Variants in PAX8 observed in about 807,000 individuals in gnomAD.
The protein encoded by PAX8 is paired box protein Pax-8.
A neutral mutation model predicts 52.4 loss-of-function variants in PAX8; 15 were observed. That is an observed-to-expected ratio of 0.29 (90% CI 0.19 to 0.44). The LOEUF (loss-of-function observed/expected upper bound fraction) is 0.44, where lower values mean the gene tolerates loss of function less well. Among genes scored for constraint, PAX8 ranks in the 20% least tolerant of loss-of-function variants. The pLI is 1.00. For missense variants in PAX8, 554 were observed against 602.5 expected, an observed-to-expected ratio of 0.92 and a Z score of 0.84; for synonymous variants, 284 against 249.7, an observed-to-expected ratio of 1.14 and a Z score of -1.29.
chr2:113,218,628 AAT>A lies in PAX8; in HGVS notation c.1277-21_1277-20del. ...GGGGAACCTGGACACATTAAAAAAAAATAACAACAACACTGCTGGTCAGAAAG... is the reference window on the plus strand; with the variant it reads ...GGGGAACCTGGACACATTAAAAAAAAAACAACAACACTGCTGGTCAGAAAG... On this transcript the variant is annotated intron_variant, in intron 11 of 11. Transcript: ENST00000429538. 1 of 1,511,804 alleles carries A rather than the reference AAT, an allele frequency of 6.6e-7. No homozygotes were observed. Among genetic ancestry groups the A allele is most frequent in the East Asian group, 2.5e-5 (1 of 40,732 alleles). 93.6% of individuals were successfully genotyped at this position (1,511,804 alleles called of 1,614,324 possible).
chr2:113,240,418 T>TA (rs1690719163), intron 7 of PAX8: 1 of 152,246 alleles, frequency 6.6e-6, no homozygotes, highest in African/African-American at 2.4e-5. Context: ...ACTCGGTTCT[T>TA]AAAGGCATAT....
At chr2:113,240,098 C>G (rs927785659) in intron 7 of PAX8, 10 of 152,290 alleles carry the variant, frequency 6.6e-5, no homozygotes, top group Admixed American at 5.9e-4. Flanking sequence ...TCTTTACTTT[C>G]ACTGAGTGGC....
chr2:113,247,684 T>C (rs956459802), intron 2 of PAX8, among the ~76,000 whole-genome samples: 1 of 152,230 alleles, frequency 6.6e-6, no homozygotes, highest in Non-Finnish European at 1.5e-5. Flanking sequence ...TGACTTGGCC[T>C]CTGCTCTCTG....
rs1867763 is a variant in PAX8, at chr2:113,278,346, A to G, written c.25+24T>C. ...CGCTCAGCGGCGCGGGGGCTCGGGG[A>G]TCCTGACCACACCGCGTTCTTACCA... On this transcript the variant is annotated intron_variant, in intron 2 of 11. Coordinates refer to ENST00000429538, the MANE Select transcript of PAX8 (RefSeq NM_003466.4). The G allele has an allele frequency of 0.33, 513,399 of 1,555,878 alleles. 87,689 individuals carry two copies. The highest frequency in any genetic ancestry group is 0.51 in the African/African-American group (37,631 of 73,812).
rs1689070159 is a variant in PAX8 at position 113,217,549 on chromosome 2, T to TG, written c.*983dup. The TG allele has an allele frequency of 6.1e-5, 14 of 230,148 alleles. No homozygotes were observed. In the South Asian group the frequency reaches 2.2e-3, roughly 36 times the overall value. 14.3% of individuals were successfully genotyped at this position (230,148 alleles called of 1,614,324 possible). A position where few individuals can be genotyped will look rare whatever the true frequency, so the allele number is the denominator to read the frequency against. On this transcript the variant is annotated 3_prime_UTR_variant, in exon 12 of 12. Coordinates refer to ENST00000429538, the MANE Select transcript of PAX8 (RefSeq NM_003466.4). ...ATTTACAGTATATACAGTCAGGCCTTGGGGGCAGGAGCTGCTGGGGAGCAG... is the reference window on the plus strand; with the variant it reads ...ATTTACAGTATATACAGTCAGGCCTTGGGGGGCAGGAGCTGCTGGGGAGCAG...
intron 5 of PAX8, among the ~76,000 whole-genome samples, 200 bp downstream of exon 5, chr2:113,242,490 A>G (rs1400269943): frequency 6.6e-6 from 1 of 152,112 alleles, no homozygotes; most frequent in Non-Finnish European, 1.5e-5. Context: ...GCACCTCTCC[A>G]TAGTTCAGTG....
At position 113,231,900 on chromosome 2, in the gene PAX8, G is replaced by C. The variant is rs573535490; in HGVS notation, c.1087+3494C>G. ...TGTGCCACCACGCCTGGCTAATTTT[G>C]TATTTTTAGTAGAGATGGGGTTTCT... On this transcript the variant is annotated intron_variant, in intron 9 of 11. Transcript: ENST00000429538. 5.9e-5 allele frequency among the ~76,000 whole-genome samples: 9 copies of C among 152,136 alleles called. No homozygotes were observed. In the East Asian group the frequency reaches 1.7e-3, roughly 29 times the overall value.
At chr2:113,244,271 T>G (rs943203553) in intron 4 of PAX8, among the ~76,000 whole-genome samples, 156 bp downstream of exon 4, 2 of 152,132 alleles carry the variant, frequency 1.3e-5, no homozygotes, top group Admixed American at 6.5e-5. Flanking sequence ...AGGTATGATA[T>G]CTGCCTGGAG....
At chr2:113,235,271 G>C in intron 9 of PAX8, 123 bp downstream of exon 9, 1 of 797,292 alleles carries the variant, frequency 1.3e-6, no homozygotes, top group Non-Finnish European at 1.9e-6. Context: ...GTTGCCGGAG[G>C]AATTAGGGAA....
At chr2:113,255,036 AAGGAAGGAAGGGAAGG>A (rs1328508885) in intron 2 of PAX8, among the ~76,000 whole-genome samples, 1 of 148,106 alleles carries the variant, frequency 6.8e-6, no homozygotes, top group Non-Finnish European at 1.5e-5. Context: ...GGGAAGAAGG[AAGGAAGGAAGGGAAGG>A]AGGAAGGAAG....
At chr2:113,270,583 G>C (rs112750093) in intron 2 of PAX8, 4,364 of 152,268 alleles carry the variant, frequency 0.029, 83 homozygotes, top group Middle Eastern at 0.054. Flanking sequence ...AAGTTCTACT[G>C]TCCTCCTGGA....
chr2:113,250,085 G>A (rs1691646496), intron 2 of PAX8, among the ~76,000 whole-genome samples: 1 of 151,958 alleles, frequency 6.6e-6, no homozygotes, highest in Non-Finnish European at 1.5e-5. Flanking sequence ...GGCTAACATG[G>A]TGAAACCCCG....
Position 113,250,005 on chromosome 2 carries a change from C to A in PAX8, c.26-3086G>T, listed in dbSNP as rs189603303. The stretch of plus-strand genomic sequence containing the variant: ...TAGGGGGGCTGGGTGTGGTGGCTCA[C>A]GCCTGTAATCCCAGCACTTTGGGAG... On this transcript the variant is annotated intron_variant, in intron 2 of 11. Coordinates refer to ENST00000429538, the MANE Select transcript of PAX8 (RefSeq NM_003466.4). Among the ~76,000 whole-genome samples, 3 of 151,962 alleles carry A rather than the reference C, an allele frequency of 2.0e-5. No individual in the cohort carries two copies. In the East Asian group the frequency reaches 5.8e-4, roughly 30 times the overall value.
At chr2:113,264,535 G>A (rs1180777308) in intron 2 of PAX8, among the ~76,000 whole-genome samples, 1 of 152,256 alleles carries the variant, frequency 6.6e-6, no homozygotes, top group Non-Finnish European at 1.5e-5. Context: ...GGAGAATTAG[G>A]TGAAAACCAG....
intron 9 of PAX8, 108 bp from the exon 10 acceptor site, chr2:113,227,364 A>C (rs772762706): frequency 1.1e-4 from 100 of 923,104 alleles, no homozygotes; most frequent in Non-Finnish European, 1.5e-4. Context: ...CCCTCTCTAC[A>C]GCCATTCTCC....
At chr2:113,278,538 C>G (rs1693992030) in intron 1 of PAX8, 69 bp from the exon 2 acceptor site, 10 of 1,315,040 alleles carry the variant, frequency 7.6e-6, no homozygotes, top group Non-Finnish European at 1.1e-5. Context: ...GGCCCCCTCC[C>G]CAGGCCTCAT....
At chr2:113,229,046 C>T (rs1361872546) in intron 9 of PAX8, among the ~76,000 whole-genome samples, 2 of 152,186 alleles carry the variant, frequency 1.3e-5, no homozygotes, top group Non-Finnish European at 2.9e-5. Context: ...GCTAAATTAG[C>T]AAGGCCGGGC....
chr2:113,244,150 T>C lies in PAX8; in HGVS notation c.389+277A>G, dbSNP rs111887588. On this transcript the variant is annotated intron_variant, in intron 4 of 11. Transcript: ENST00000429538. ...AAGGATCAATTCATGAAGATTCTTTTATTGAATGAAAGCAGATGTGGTGTT... is the reference window on the plus strand; with the variant it reads ...AAGGATCAATTCATGAAGATTCTTTCATTGAATGAAAGCAGATGTGGTGTT... Among the ~76,000 whole-genome samples, 999 of 152,314 alleles carry C rather than the reference T, an allele frequency of 6.6e-3. 15 individuals carry two copies. The highest frequency in any genetic ancestry group is 0.022 in the African/African-American group (933 of 41,572).
intron 2 of PAX8, among the ~76,000 whole-genome samples, chr2:113,264,853 T>C (rs1024221474): frequency 6.6e-6 from 1 of 152,126 alleles, no homozygotes; most frequent in Admixed American, 6.5e-5. Flanking sequence ...GGTAGCTGCA[T>C]TGAATGGGCA....
Sources: allele counts gnomAD v4.1 joint callset (sites outside exome capture counted in the v4.1 genomes callset), GRCh38; gene constraint gnomAD v4.1.1; transcripts MANE v1.5; gene names NCBI Gene and HGNC (gene_info 2026-07-23, HGNC 2026-07-21).